SYNE2: variants seen among roughly 807,000 people sequenced by gnomAD.
SYNE2 encodes spectrin repeat containing nuclear envelope protein 2, also known as nesprin-2.
A neutral mutation model predicts 856.3 loss-of-function variants in SYNE2; 431 were observed. The ratio of observed to expected loss-of-function variants is 0.50; its 90% CI spans 0.47 to 0.55. The LOEUF is 0.55. Among genes scored for constraint, SYNE2 ranks in the 20% least tolerant of loss-of-function variants. SYNE2 has a pLI of 0.00. For synonymous variants in SYNE2, 2,923 were observed against 2,872.3 expected (o/e 1.02, Z -0.56); for missense variants, 8,129 against 8,023.2 (o/e 1.01, Z -0.50).
At chr14:63,945,402 C>T (rs888618073) in intron 6 of SYNE2, among the ~76,000 whole-genome samples, 2 of 152,078 alleles carry the variant, frequency 1.3e-5, no homozygotes, top group Non-Finnish European at 2.9e-5. Context: ...TTATAAATGT[C>T]TTCTCTTATG....
At chr14:63,813,808 C>T (rs1008179513) in intron 1 of SYNE2, among the ~76,000 whole-genome samples, 3 of 152,196 alleles carry the variant, frequency 2.0e-5, no homozygotes, top group African/African-American at 7.2e-5. Flanking sequence ...AATCCCAGTA[C>T]TTTGGGAGGC....
intron 11 of SYNE2, among the ~76,000 whole-genome samples, chr14:63,974,411 GAA>G (rs1260236930): frequency 1.3e-5 from 2 of 152,096 alleles, no homozygotes; most frequent in African/African-American, 2.4e-5. Flanking sequence ...GACAGAGAGA[GAA>G]AGGAGGTGCC....
At chr14:63,816,492 C>T (rs973806504) in intron 1 of SYNE2, among the ~76,000 whole-genome samples, 1 of 152,070 alleles carries the variant, frequency 6.6e-6, no homozygotes, top group Non-Finnish European at 1.5e-5. Flanking sequence ...TACTGAATAA[C>T]AGCAGGAGCA....
At chr14:64,034,493 G>T in intron 45 of SYNE2, 4 of 500,566 alleles carry the variant, frequency 8.0e-6, no homozygotes, top group Admixed American at 6.6e-5. Context: ...ATTAATCTTA[G>T]AATTTTGTTG....
chr14:64,076,661 A>C (rs559381502), intron 54 of SYNE2, among the ~76,000 whole-genome samples: 1 of 152,196 alleles, frequency 6.6e-6, no homozygotes, highest in Admixed American at 6.5e-5. Flanking sequence ...GAGCTTAGCA[A>C]GATATTTTGA....
chr14:63,950,902 C>T (rs2096143724), intron 7 of SYNE2, among the ~76,000 whole-genome samples: 1 of 152,094 alleles, frequency 6.6e-6, no homozygotes, highest in African/African-American at 2.4e-5. Flanking sequence ...AGCAATTCAC[C>T]TGCCTCCGTC....
At chr14:63,816,698 T>TTTTTAATTTTAATTTTAA (rs148491041) in intron 1 of SYNE2, among the ~76,000 whole-genome samples, 1 of 148,584 alleles carries the variant, frequency 6.7e-6, no homozygotes, top group Admixed American at 6.8e-5. Flanking sequence ...CAAACAGGTC[T>TTTTTAATTTTAATTTTAA]TTTTAATTTT....
intron 43 of SYNE2, 50 bp downstream of exon 43, chr14:64,027,843 G>C (rs2096992945): frequency 2.2e-6 from 3 of 1,391,374 alleles, no homozygotes; most frequent in Non-Finnish European, 3.1e-6. Context: ...TTATACATAA[G>C]TATGCAAGAC....
chr14:63,887,619 TG>T (rs775884570), intron 1 of SYNE2, among the ~76,000 whole-genome samples: 3 of 152,218 alleles, frequency 2.0e-5, no homozygotes, highest in Non-Finnish European at 4.4e-5. Context: ...GTAACTGAAC[TG>T]GAAGATATGT....
chr14:63,970,651 C>CT (rs61126600), intron 11 of SYNE2, among the ~76,000 whole-genome samples: 4,950 of 98,870 alleles, frequency 0.05, 222 homozygotes, highest in Non-Finnish European at 0.066. Context: ...TTTCTTTTTT[C>CT]TTTTTTTTTT....
chr14:64,057,328 A>C (rs561359352), intron 49 of SYNE2, among the ~76,000 whole-genome samples: 2 of 152,014 alleles, frequency 1.3e-5, no homozygotes, highest in Non-Finnish European at 2.9e-5. Context: ...CATGAATTCA[A>C]TTGTTTTGAT....
At chr14:64,190,267 C>G in intron 99 of SYNE2, 30 bp downstream of exon 99, 6 of 1,612,874 alleles carry the variant, frequency 3.7e-6, no homozygotes, top group Non-Finnish European at 5.1e-6. Flanking sequence ...TGATTACTCT[C>G]CAGGAACAGT....
chr14:64,225,353 C>G lies in SYNE2; in HGVS notation c.20551C>G (p.Leu6851Val), dbSNP rs564532190. ...CAGCACACGGCCACAGCGCTCCTTC[C>G]TCTCAAGGGTGGTCCGGGCAGCCCT... ...PGSTRPQRSF[L>V]SRVVRAALPL... Residue 6851 changes from leucine to valine, a missense_variant, in exon 116 of 116, where the codon CTC becomes GTC. Transcript: ENST00000555002. 7.4e-5 allele frequency: 120 copies of G among 1,614,182 alleles called. No individual in the cohort carries two copies. In the South Asian group the frequency reaches 1.2e-3, roughly 16 times the overall value.
chr14:63,855,497 A>C (rs1566619783), intron 1 of SYNE2, among the ~76,000 whole-genome samples: 1 of 152,078 alleles, frequency 6.6e-6, no homozygotes, highest in Non-Finnish European at 1.5e-5. Context: ...TTCTTGCTGC[A>C]TGAGGGCCTT....
intron 2 of SYNE2, among the ~76,000 whole-genome samples, chr14:63,927,792 T>C (rs760965144): frequency 2.6e-5 from 4 of 151,714 alleles, no homozygotes; most frequent in Non-Finnish European, 4.4e-5. Flanking sequence ...CTCGGGAGCC[T>C]GAGGCAGGAG....
intron 11 of SYNE2, among the ~76,000 whole-genome samples, chr14:63,975,927 C>G (rs769498085): frequency 4.6e-5 from 7 of 152,088 alleles, no homozygotes; most frequent in Non-Finnish European, 1.0e-4. Flanking sequence ...GGGGGACATC[C>G]AGGTAGCAGG....
intron 1 of SYNE2, among the ~76,000 whole-genome samples, chr14:63,896,688 C>G (rs972446490): frequency 6.6e-6 from 1 of 152,140 alleles, no homozygotes; most frequent in Non-Finnish European, 1.5e-5. Flanking sequence ...GGACTACAGC[C>G]GAGTTCTCCT....
At chr14:63,770,355 A>G (rs1886854482) in intron 1 of SYNE2, among the ~76,000 whole-genome samples, 1 of 152,182 alleles carries the variant, frequency 6.6e-6, no homozygotes. Flanking sequence ...GAATGCTACT[A>G]TGCCACATTC....
intron 46 of SYNE2, 39 bp from the exon 47 acceptor site, chr14:64,049,572 G>T: frequency 6.2e-7 from 1 of 1,604,738 alleles, no homozygotes; most frequent in Non-Finnish European, 8.5e-7. Context: ...GCATAAATAA[G>T]TGAGTGTTTA....
Sources: allele counts gnomAD v4.1 joint callset (sites outside exome capture counted in the v4.1 genomes callset), GRCh38; gene constraint gnomAD v4.1.1; transcripts MANE v1.5; gene names NCBI Gene and HGNC (gene_info 2026-07-23, HGNC 2026-07-21).